COL22A1: variants seen among roughly 807,000 people sequenced by gnomAD.
COL22A1 encodes collagen type XXII alpha 1 chain.
A neutral mutation model predicts 248.9 loss-of-function variants in COL22A1; 221 were observed. The observed-to-expected ratio is 0.89, with a 90% confidence interval of 0.80 to 0.99. The LOEUF is 0.99. Ranked by LOEUF, COL22A1 falls within the 50% of genes least tolerant of loss-of-function variation. The pLI is 0.00. For synonymous variants in COL22A1, 891 were observed against 793.4 expected, an observed-to-expected ratio of 1.12 and a Z score of -2.07; for missense variants, 2,240 against 2,179.0, an observed-to-expected ratio of 1.03 and a Z score of -0.56.
At chr8:138,880,278 G>A (rs1479464485) in intron 2 of COL22A1, among the ~76,000 whole-genome samples, 1 of 152,118 alleles carries the variant, frequency 6.6e-6, no homozygotes, top group Non-Finnish European at 1.5e-5. Flanking sequence ...TATACCATTG[G>A]GTGTGAAAAG....
intron 12 of COL22A1, among the ~76,000 whole-genome samples, chr8:138,788,751 G>A (rs957326057): frequency 6.6e-6 from 1 of 152,126 alleles, no homozygotes; most frequent in South Asian, 2.1e-4. Flanking sequence ...ATAAAAAAAT[G>A]GAACACTATG....
At chr8:138,907,533 T>C (rs1401024773) in intron 1 of COL22A1, among the ~76,000 whole-genome samples, 1 of 152,262 alleles carries the variant, frequency 6.6e-6, no homozygotes, top group African/African-American at 2.4e-5. Context: ...AACTCACTCA[T>C]TCATACATTT....
chr8:138,726,993 G>T (rs1385051812), intron 23 of COL22A1, among the ~76,000 whole-genome samples: 1 of 152,160 alleles, frequency 6.6e-6, no homozygotes, highest in East Asian at 1.9e-4. Flanking sequence ...GGGCGAGCTG[G>T]AATCACACAA....
chr8:138,761,823 G>A (rs1011775347), intron 17 of COL22A1, among the ~76,000 whole-genome samples: 1 of 152,110 alleles, frequency 6.6e-6, no homozygotes, highest in African/African-American at 2.4e-5. Context: ...CCCCTTCTGG[G>A]GGCAACCAAG....
chr8:138,790,533 A>C (rs535184987), intron 12 of COL22A1, among the ~76,000 whole-genome samples: 1 of 152,306 alleles, frequency 6.6e-6, no homozygotes, highest in African/African-American at 2.4e-5. Flanking sequence ...CTCCCTCTTC[A>C]TTCCTCCTCC....
intron 47 of COL22A1, 43 bp downstream of exon 47, chr8:138,646,586 G>A: frequency 2.8e-6 from 4 of 1,443,154 alleles, no homozygotes; most frequent in South Asian, 2.7e-5. Context: ...CCATTGAGAT[G>A]AGCAGAATAG....
rs142200130 is a variant in COL22A1 at position 138,883,023 on chromosome 8, G to A, written c.91+59C>T. On this transcript the variant is annotated intron_variant, in intron 2 of 64. Transcript: ENST00000303045. ...TGCACACACCACAGCCCATGCTCAC[G>A]GACACATGCTGTCTGCTCTGTCCCC... The A allele has an allele frequency of 1.1e-3, 1,520 of 1,427,510 alleles. 16 individuals are homozygous for A. In the African/African-American group the frequency reaches 0.019, roughly 18 times the overall value. 88.4% of individuals were successfully genotyped at this position (1,427,510 alleles called of 1,614,324 possible).
rs759766272 is a variant in COL22A1, at chr8:138,685,308, G to A, written c.2867C>T (p.Ala956Val). 1 of 1,613,094 alleles carries A rather than the reference G, an allele frequency of 6.2e-7. No individual in the cohort carries two copies. Reference sequence around the variant, plus strand: ...CCCTGGGCTGCCTTCTTCCCCCGCTGCACCCTGGAAAGAAAAGTAGACATT... The same window carrying A: ...CCCTGGGCTGCCTTCTTCCCCCGCTACACCCTGGAAAGAAAAGTAGACATT... The part of the protein sequence containing the change: ...GKDGERGEKG[A>V]AGEEGSPGPV... Residue 956 changes from alanine (A) to valine (V), a missense_variant, in exon 38 of 65, where the codon GCA becomes GTA. Transcript: ENST00000303045.
At chr8:138,600,125 C>G (rs1817881733) in intron 60 of COL22A1, among the ~76,000 whole-genome samples, 1 of 152,188 alleles carries the variant, frequency 6.6e-6, no homozygotes, top group Non-Finnish European at 1.5e-5. Context: ...AGTGCGGGAC[C>G]AATGATTTGG....
intron 37 of COL22A1, among the ~76,000 whole-genome samples, chr8:138,687,274 G>A (rs1458215333): frequency 1.3e-5 from 2 of 152,154 alleles, no homozygotes; most frequent in African/African-American, 4.8e-5. Context: ...TTATTATTAA[G>A]CCTATGATCA....
chr8:138,662,373 G>A (rs1246581070), intron 42 of COL22A1, among the ~76,000 whole-genome samples: 1 of 152,096 alleles, frequency 6.6e-6, no homozygotes, highest in Non-Finnish European at 1.5e-5. Flanking sequence ...GACAGCTCCT[G>A]TGGTGAGATG....
Position 138,679,604 on chromosome 8 carries a change from GATCTTCACTGACCTTAAC to G in COL22A1, c.3067_3072+12del. On this transcript the variant is annotated splice_donor_variant and splice_donor_5th_base_variant and coding_sequence_variant and intron_variant, in exon 40 of 65. Transcript: ENST00000303045. LOFTEE classifies it high-confidence loss of function. ...CTGTCTTTTTGCAAATGTTTGCATA[GATCTTCACTGACCTTAAC>G]ACATTGCCCTCCCAGTGCACAGTTT... The G allele has an allele frequency of 6.2e-7, 1 of 1,612,168 alleles. No homozygotes were observed. The highest frequency in any genetic ancestry group is 1.1e-5 in the South Asian group (1 of 91,022).
At chr8:138,805,629 GTGTGTGATGGTA>G (rs1369662085) in intron 10 of COL22A1, among the ~76,000 whole-genome samples, 3 of 147,280 alleles carry the variant, frequency 2.0e-5, no homozygotes, top group African/African-American at 7.8e-5. Context: ...GAGGGTGTGT[GTGTGTGATGGTA>G]TGTGTGATGG....
intron 39 of COL22A1, among the ~76,000 whole-genome samples, chr8:138,683,192 A>G (rs1379950725): frequency 1.3e-5 from 2 of 152,192 alleles, no homozygotes; most frequent in Non-Finnish European, 2.9e-5. Context: ...AGGTCCTGAA[A>G]CACATGATAT....
At chr8:138,795,084 A>C (rs1816385260) in intron 12 of COL22A1, among the ~76,000 whole-genome samples, 1 of 152,032 alleles carries the variant, frequency 6.6e-6, no homozygotes, top group Non-Finnish European at 1.5e-5. Context: ...CAATTAAATG[A>C]AACTCATTTA....
At chr8:138,623,891 T>C in intron 51 of COL22A1, 106 bp from the exon 52 acceptor site, 1 of 927,694 alleles carries the variant, frequency 1.1e-6, no homozygotes, top group Admixed American at 2.2e-5. Context: ...AGCAGTTGCC[T>C]TCACAGTTGG....
At chr8:138,851,805 C>T (rs929188823) in intron 3 of COL22A1, among the ~76,000 whole-genome samples, 4 of 152,154 alleles carry the variant, frequency 2.6e-5, no homozygotes, top group Admixed American at 2.6e-4. Context: ...TGATCCTGGG[C>T]ATAAAATAAT....
chr8:138,725,405 AG>A lies in COL22A1; in HGVS notation c.2174del (p.Pro725LeufsTer90), dbSNP rs1301137828. On this transcript the variant is annotated frameshift_variant, in exon 24 of 65. Coordinates refer to ENST00000303045, the MANE Select transcript of COL22A1 (RefSeq NM_152888.3). LOFTEE classifies it high-confidence loss of function. ...GTCTTACCGGAGAACCTCCCGGTCC[AG>A]GGGGGCCTGGGACACCAGGGGGTCC... ...PPGPPGVPGP[P>X]GPGGSPGLPG... The A allele has an allele frequency of 2.5e-6, 4 of 1,614,026 alleles. No individual in the cohort carries two copies. The highest frequency in any genetic ancestry group is 2.5e-6 in the Non-Finnish European group (3 of 1,180,012).
chr8:138,755,272 C>A, intron 20 of COL22A1, 62 bp from the exon 21 acceptor site: 2 of 1,521,344 alleles, frequency 1.3e-6, no homozygotes, highest in Non-Finnish European at 1.8e-6. Flanking sequence ...TCAGGCCCAC[C>A]ATCACCCATG....
Sources: gnomAD v4.1 joint callset for allele counts (sites outside exome capture counted in the v4.1 genomes callset) on GRCh38, gnomAD v4.1.1 for gene constraint, MANE v1.5 for transcripts, NCBI Gene and HGNC (gene_info 2026-07-23, HGNC 2026-07-21) for gene names.